BTRC: variants seen among roughly 807,000 people sequenced by gnomAD.
The protein encoded by BTRC is F-box/WD repeat-containing protein 1A.
Under a neutral mutation model 85.5 loss-of-function variants are expected in BTRC, and 42 were observed. That is an observed-to-expected ratio of 0.49 (90% CI 0.38 to 0.64). The LOEUF (loss-of-function observed/expected upper bound fraction) is 0.64. BTRC is among the 30% of genes least tolerant of loss of function. The pLI, the probability that BTRC is intolerant of heterozygous loss-of-function variation, is 0.00. For synonymous variants in BTRC, 255 were observed against 263.3 expected, an observed-to-expected ratio of 0.97 and a Z score of 0.30; for missense variants, 594 against 743.5, an observed-to-expected ratio of 0.80 and a Z score of 2.34.
intron 1 of BTRC, among the ~76,000 whole-genome samples, chr10:101,374,184 G>A (rs1345614407): frequency 1.3e-5 from 2 of 152,028 alleles, no homozygotes; most frequent in African/African-American, 4.8e-5. Context: ...CACCAACAGT[G>A]TAAAAGTGTT....
intron 1 of BTRC, among the ~76,000 whole-genome samples, chr10:101,395,522 A>G (rs1422581342): frequency 1.3e-5 from 2 of 152,196 alleles, no homozygotes; most frequent in African/African-American, 4.8e-5. Context: ...CTTAACATTT[A>G]CAGACCCTTC....
intron 1 of BTRC, among the ~76,000 whole-genome samples, chr10:101,356,209 C>T (rs920473185): frequency 2.0e-5 from 3 of 152,128 alleles, no homozygotes; most frequent in African/African-American, 4.8e-5. Flanking sequence ...ACTATGTTGG[C>T]CAGGATGGTC....
intron 2 of BTRC, among the ~76,000 whole-genome samples, chr10:101,459,273 G>GGGTGA (rs2134163106): frequency 6.6e-6 from 1 of 152,260 alleles, no homozygotes; most frequent in South Asian, 2.1e-4. Context: ...GAGCTTTCCT[G>GGGTGA]GGTGATGTTG....
At chr10:101,453,015 T>C (rs1320433040) in intron 2 of BTRC, among the ~76,000 whole-genome samples, 2 of 152,218 alleles carry the variant, frequency 1.3e-5, no homozygotes. Flanking sequence ...AGTGTTTTTT[T>C]TTAATGTCAC....
chr10:101,535,685 G>C (rs759722138), intron 11 of BTRC, among the ~76,000 whole-genome samples: 4 of 152,156 alleles, frequency 2.6e-5, no homozygotes, highest in Non-Finnish European at 4.4e-5. Context: ...CCTGTCTACC[G>C]TTGAAAAGTG....
chr10:101,423,770 G>A (rs1242440799), intron 1 of BTRC, among the ~76,000 whole-genome samples: 3 of 152,158 alleles, frequency 2.0e-5, no homozygotes, highest in Middle Eastern at 3.4e-3. Context: ...GTTTATTCCC[G>A]GTAAACTTTA....
At chr10:101,356,088 C>T (rs1008308620) in intron 1 of BTRC, among the ~76,000 whole-genome samples, 6 of 152,100 alleles carry the variant, frequency 3.9e-5, no homozygotes, top group African/African-American at 9.7e-5. Flanking sequence ...GTGCAGCCTC[C>T]GCCTCCTGGG....
chr10:101,362,081 C>A (rs1434112778), intron 1 of BTRC, among the ~76,000 whole-genome samples: 3 of 152,210 alleles, frequency 2.0e-5, no homozygotes, highest in African/African-American at 7.2e-5. Context: ...CTGCCTCAGC[C>A]TCCCGAGTAG....
intron 9 of BTRC, among the ~76,000 whole-genome samples, chr10:101,534,164 A>C (rs1391307460): frequency 6.6e-6 from 1 of 152,112 alleles, no homozygotes; most frequent in African/African-American, 2.4e-5. Flanking sequence ...ACTTCAGAAC[A>C]CAGAAATGGG....
chr10:101,424,850 A>G (rs915885813), intron 1 of BTRC, among the ~76,000 whole-genome samples: 1 of 152,184 alleles, frequency 6.6e-6, no homozygotes, highest in Non-Finnish European at 1.5e-5. Flanking sequence ...CAGGTTTGTT[A>G]CAGAGATATA....
intron 3 of BTRC, among the ~76,000 whole-genome samples, chr10:101,466,875 A>G (rs1457511700): frequency 6.6e-6 from 1 of 152,192 alleles, no homozygotes; most frequent in East Asian, 1.9e-4. Flanking sequence ...CCTGCGTTCT[A>G]AACATTGCCT....
intron 1 of BTRC, among the ~76,000 whole-genome samples, chr10:101,387,493 C>G (rs1211595821): frequency 1.0e-5 from 1 of 97,984 alleles, no homozygotes; most frequent in African/African-American, 4.0e-5. Context: ...TTATTTTCTT[C>G]TTGGCTATTT....
chr10:101,519,741 A>G (rs988595736), intron 4 of BTRC, among the ~76,000 whole-genome samples: 1 of 152,184 alleles, frequency 6.6e-6, no homozygotes, highest in African/African-American at 2.4e-5. Flanking sequence ...CACGCCTGTG[A>G]TCCCAGCACT....
chr10:101,452,307 T>C (rs1944973077), intron 2 of BTRC, among the ~76,000 whole-genome samples: 2 of 152,236 alleles, frequency 1.3e-5, no homozygotes, highest in Non-Finnish European at 2.9e-5. Context: ...ATGGTTCAGC[T>C]TGACAGAGAC....
intron 8 of BTRC, 127 bp downstream of exon 8, chr10:101,532,559 G>A: frequency 7.9e-7 from 1 of 1,258,962 alleles, no homozygotes; most frequent in South Asian, 1.8e-5. Context: ...ATTGTTTCCA[G>A]TCCCAAAGCC....
Position 101,526,164 on chromosome 10 carries a change from T to G in BTRC, c.708T>G (p.Asp236Glu). The G allele has an allele frequency of 6.2e-7, 1 of 1,614,126 alleles. No homozygotes were observed. The highest frequency in any genetic ancestry group is 1.1e-5 in the South Asian group (1 of 91,078). ...KKLIERMVRT[D>E]SLWRGLAERR... ...TTATCGAGAGAATGGTCAGGACAGATTCTCTGTGGAGAGGCCTGGCAGAAC... is the reference window on the plus strand; with the variant it reads ...TTATCGAGAGAATGGTCAGGACAGAGTCTCTGTGGAGAGGCCTGGCAGAAC... Residue 236 changes from aspartate to glutamate, a missense_variant, in exon 6 of 15, where the codon GAT (aspartate) becomes GAG (glutamate). Transcript: ENST00000370187.
intron 1 of BTRC, among the ~76,000 whole-genome samples, chr10:101,412,167 C>CT (rs1326098934): frequency 2.0e-5 from 3 of 152,194 alleles, no homozygotes; most frequent in African/African-American, 4.8e-5. Flanking sequence ...GTATACAGGA[C>CT]TTAGTATTCA....
At chr10:101,482,659 CAA>C (rs1945870882) in intron 4 of BTRC, among the ~76,000 whole-genome samples, 1 of 152,064 alleles carries the variant, frequency 6.6e-6, no homozygotes, top group Non-Finnish European at 1.5e-5. Context: ...CCTCCCAAAG[CAA>C]TGGGATTACA....
chr10:101,493,522 A>G (rs896133484), intron 4 of BTRC, among the ~76,000 whole-genome samples: 1 of 152,250 alleles, frequency 6.6e-6, no homozygotes, highest in African/African-American at 2.4e-5. Flanking sequence ...ATTTTAATAC[A>G]TAGAAATTAG....
Sources: allele counts gnomAD v4.1 joint callset (sites outside exome capture counted in the v4.1 genomes callset), GRCh38; gene constraint gnomAD v4.1.1; transcripts MANE v1.5; gene names NCBI Gene and HGNC (gene_info 2026-07-23, HGNC 2026-07-21).